CTNND2: variants seen among roughly 807,000 people sequenced by gnomAD.
CTNND2 encodes catenin delta-2.
CTNND2 carries 22 observed loss-of-function variants against 144.4 expected under a neutral mutation model. That is an observed-to-expected ratio of 0.15 (90% CI 0.11 to 0.22). The LOEUF is 0.22. CTNND2 is among the 10% of genes least tolerant of loss of function. The pLI, the probability that CTNND2 is intolerant of heterozygous loss-of-function variation, is 1.00. For synonymous variants in CTNND2, 751 were observed against 695.6 expected, an observed-to-expected ratio of 1.08 and a Z score of -1.25; for missense variants, 1,353 against 1,618.8, an observed-to-expected ratio of 0.84 and a Z score of 2.82.
intron 11 of CTNND2, among the ~76,000 whole-genome samples, chr5:11,172,095 T>C (rs1232344444): frequency 1.3e-5 from 2 of 152,330 alleles, no homozygotes; most frequent in South Asian, 4.1e-4. Context: ...ATATTTCTCA[T>C]GTGATCCACC....
chr5:11,020,906 C>T (rs61751669), intron 17 of CTNND2, among the ~76,000 whole-genome samples: 2,768 of 152,118 alleles, frequency 0.018, 58 homozygotes, highest in African/African-American at 0.051. Flanking sequence ...ACAGAATGAG[C>T]GCCTATTCTA....
intron 3 of CTNND2, among the ~76,000 whole-genome samples, chr5:11,415,156 T>C (rs1223216189): frequency 6.6e-6 from 1 of 152,230 alleles, no homozygotes; most frequent in African/African-American, 2.4e-5. Flanking sequence ...CTTTGAGGAA[T>C]CATCATACCG....
intron 21 of CTNND2, among the ~76,000 whole-genome samples, chr5:10,976,514 CCTT>C (rs1190815653): frequency 6.6e-6 from 1 of 152,182 alleles, no homozygotes; most frequent in Non-Finnish European, 1.5e-5. Flanking sequence ...GAAGCTTTTG[CCTT>C]CTTTGCCTTA....
chr5:11,173,948 T>A (rs748229805), intron 11 of CTNND2, among the ~76,000 whole-genome samples: 1 of 152,098 alleles, frequency 6.6e-6, no homozygotes, highest in Non-Finnish European at 1.5e-5. Flanking sequence ...TGAAAAGAAG[T>A]GGGCAGGCAA....
At chr5:11,642,273 A>G (rs1404404069) in intron 2 of CTNND2, among the ~76,000 whole-genome samples, 2 of 152,198 alleles carry the variant, frequency 1.3e-5, no homozygotes, top group Non-Finnish European at 2.9e-5. Context: ...TGGAGCTTCA[A>G]TTCTAGCAGC....
intron 16 of CTNND2, 139 bp downstream of exon 16, chr5:11,082,557 C>G: frequency 2.1e-6 from 2 of 934,014 alleles, no homozygotes; most frequent in Non-Finnish European, 3.2e-6. Flanking sequence ...ATCAGAAGGA[C>G]AGCAGAAAAA....
intron 5 of CTNND2, among the ~76,000 whole-genome samples, chr5:11,401,281 G>T (rs1461718720): frequency 1.3e-5 from 2 of 152,140 alleles, no homozygotes; most frequent in African/African-American, 4.8e-5. Context: ...CACTTGTTCT[G>T]TTTACCTAGT....
At chr5:11,868,592 C>G (rs189724826) in intron 1 of CTNND2, among the ~76,000 whole-genome samples, 2 of 152,118 alleles carry the variant, frequency 1.3e-5, no homozygotes, top group Non-Finnish European at 2.9e-5. Flanking sequence ...CCAAAATGCA[C>G]GTTGAAACTT....
Position 10,997,590 on chromosome 5 carries a change from T to TA in CTNND2, c.3085-4914dup, listed in dbSNP as rs59086011. 6.6e-3 allele frequency among the ~76,000 whole-genome samples: 906 copies of TA among 137,402 alleles called. 4 individuals carry two copies. The highest frequency in any genetic ancestry group is 0.011 in the African/African-American group (414 of 37,708). 90.1% of individuals were successfully genotyped at this position (137,402 alleles called of 152,430 possible). A position where few individuals can be genotyped will look rare whatever the true frequency, so the allele number is the denominator to read the frequency against. On this transcript the variant is annotated intron_variant, in intron 18 of 21. Transcript: ENST00000304623. The stretch of plus-strand genomic sequence containing the variant: ...CTGGCAACAGAGCTAGACTCCATCT[T>TA]AAAAAAAAAAAAAAAAAATTTAAAT...
intron 3 of CTNND2, among the ~76,000 whole-genome samples, chr5:11,502,046 A>T (rs1177793992): frequency 1.5e-5 from 2 of 137,620 alleles, no homozygotes; most frequent in African/African-American, 5.6e-5. Flanking sequence ...AAAAAAAAAA[A>T]AAAAAAAGAA....
At position 11,693,064 on chromosome 5, in the gene CTNND2, G is replaced by C. The variant is rs1487925978; in HGVS notation, c.174+39072C>G. The stretch of plus-strand genomic sequence containing the variant: ...TTCATATATTATACATATAAATTCA[G>C]AGTCCAAAAACCAAGAACATTTTAA... On this transcript the variant is annotated intron_variant, in intron 2 of 21. Coordinates refer to ENST00000304623, the MANE Select transcript of CTNND2 (RefSeq NM_001332.4). Among the ~76,000 whole-genome samples the C allele has an allele frequency of 3.9e-5, 6 of 152,078 alleles. No individual in the cohort carries two copies. The East Asian group carries it at 7.7e-4, about 20-fold the overall frequency.
At chr5:11,488,512 T>C (rs1048235561) in intron 3 of CTNND2, among the ~76,000 whole-genome samples, 23 of 152,216 alleles carry the variant, frequency 1.5e-4, no homozygotes, top group African/African-American at 5.5e-4. Flanking sequence ...CTTTTTCATG[T>C]AAAAGTTTAG....
At chr5:11,696,019 C>T (rs1171212592) in intron 2 of CTNND2, among the ~76,000 whole-genome samples, 2 of 152,110 alleles carry the variant, frequency 1.3e-5, no homozygotes, top group African/African-American at 4.8e-5. Flanking sequence ...TTACAAATAT[C>T]TATAATCTAC....
chr5:11,761,131 C>T lies in CTNND2; in HGVS notation c.38-28859G>A, dbSNP rs563886378. On this transcript the variant is annotated intron_variant, in intron 1 of 21. Transcript: ENST00000304623. ...CGAGTGTTGAAGGGCTCTTTTGTTT[C>T]GCCTGGAATCTGCCTCTGCTCCCTT... 2.4e-3 allele frequency among the ~76,000 whole-genome samples: 373 copies of T among 152,246 alleles called. 2 individuals are homozygous for T. Among genetic ancestry groups the T allele is most frequent in the Middle Eastern group, 6.8e-3 (2 of 294 alleles).
intron 2 of CTNND2, among the ~76,000 whole-genome samples, chr5:11,664,139 A>C (rs188501381): frequency 3.9e-5 from 6 of 152,220 alleles, no homozygotes; most frequent in Non-Finnish European, 5.9e-5. Context: ...AATAATATAA[A>C]TTGGTTGCTA....
chr5:11,559,346 A>G (rs990298825), intron 3 of CTNND2, among the ~76,000 whole-genome samples: 3 of 152,116 alleles, frequency 2.0e-5, no homozygotes, highest in African/African-American at 7.2e-5. Context: ...AACCCTGTCT[A>G]CCTTGAGGCT....
In CTNND2 at chr5:11,597,043, G is replaced by A. The variant is rs530220386; in HGVS notation, c.175-31987C>T. Among the ~76,000 whole-genome samples, 13 of 152,224 alleles carry A rather than the reference G, an allele frequency of 8.5e-5. No homozygotes were observed. The South Asian group carries it at 1.0e-3, about 12-fold the overall frequency. On this transcript the variant is annotated intron_variant, in intron 2 of 21. Coordinates refer to ENST00000304623, the MANE Select transcript of CTNND2 (RefSeq NM_001332.4). Reference sequence around the variant, plus strand: ...GGCAGCGAACCCAAACAAGTCCAGCGGAATCTCTGACGATAAAAGGATGCT... The same window carrying A: ...GGCAGCGAACCCAAACAAGTCCAGCAGAATCTCTGACGATAAAAGGATGCT...
intron 9 of CTNND2, among the ~76,000 whole-genome samples, chr5:11,293,213 A>C (rs187380621): frequency 7.9e-5 from 12 of 152,310 alleles, no homozygotes; most frequent in Admixed American, 6.5e-4. Flanking sequence ...TAGAAAGCCC[A>C]AGTTCATACA....
intron 9 of CTNND2, among the ~76,000 whole-genome samples, chr5:11,279,577 C>T (rs1331193058): frequency 6.6e-6 from 1 of 152,152 alleles, no homozygotes; most frequent in Non-Finnish European, 1.5e-5. Context: ...CATGTTACCC[C>T]TCTTAAGAGG....
Sources: allele counts gnomAD v4.1 joint callset (sites outside exome capture counted in the v4.1 genomes callset), GRCh38; gene constraint gnomAD v4.1.1; transcripts MANE v1.5; gene names NCBI Gene and HGNC (gene_info 2026-07-23, HGNC 2026-07-21).